The following POLR2L variants were observed in gnomAD, a reference collection of about 807,000 sequenced individuals.
POLR2L encodes the protein RNA polymerase II, I and III subunit L, also known as DNA-directed RNA polymerases I, II, and III subunit RPABC5.
A neutral mutation model predicts 6.8 loss-of-function variants in POLR2L; 7 were observed. That is an observed-to-expected ratio of 1.03 (90% CI 0.59 to 1.94). The LOEUF (loss-of-function observed/expected upper bound fraction) is 1.94, where lower values mean the gene tolerates loss of function less well. POLR2L is among the 30% of genes most tolerant of loss of function. The pLI is 0.00. For missense variants in POLR2L, 93 were observed against 86.7 expected, an observed-to-expected ratio of 1.07 and a Z score of -0.29; for synonymous variants, 59 against 39.8, an observed-to-expected ratio of 1.48 and a Z score of -1.82.
chr11:840,691 G>A (rs1846942347), intron 1 of POLR2L, among the ~76,000 whole-genome samples: 1 of 152,240 alleles, frequency 6.6e-6, no homozygotes, highest in Non-Finnish European at 1.5e-5. Flanking sequence ...GGTGGAGCGT[G>A]AGGAGCCTCC....
chr11:840,704 T>G (rs1846942759), intron 1 of POLR2L, among the ~76,000 whole-genome samples: 1 of 152,192 alleles, frequency 6.6e-6, no homozygotes, highest in African/African-American at 2.4e-5. Context: ...GAGCCTCCTC[T>G]CCCACCTACT....
rs199950610 is a variant in POLR2L at position 839,763 on chromosome 11, G to GC, written c.*608dup. 1.2e-5 allele frequency: 1 copy of GC among 84,944 alleles called. No homozygotes were observed. Among genetic ancestry groups the GC allele is most frequent in the East Asian group, 8.3e-4 (1 of 1,206 alleles). 5.3% of individuals were successfully genotyped at this position (84,944 alleles called of 1,614,324 possible). ...AGGTTCCAGTGATCCTCCTGCCTCA[G>GC]CCCCGAGTGGCCGGGACTACAGGTG... On this transcript the variant is annotated 3_prime_UTR_variant, in exon 2 of 2. Transcript: ENST00000322028.
chr11:840,556 C>T (rs1846937101), intron 1 of POLR2L, 76 bp from the exon 2 acceptor site: 3 of 993,494 alleles, frequency 3.0e-6, no homozygotes, highest in Admixed American at 1.9e-5. Flanking sequence ...ATCCAACCTG[C>T]CTCTCACTGC....
intron 1 of POLR2L, among the ~76,000 whole-genome samples, 160 bp downstream of exon 1, chr11:842,254 A>G (rs965700583): frequency 2.0e-5 from 3 of 152,192 alleles, no homozygotes; most frequent in Non-Finnish European, 4.4e-5. Flanking sequence ...CAGATCACAG[A>G]GCGGGGCTGG....
At position 840,372 on chromosome 11, in the gene POLR2L, T is replaced by C; in HGVS notation, c.204A>G (p.Ter68TrpextTer15). ...AGCGGGTGGGTGGGTTCCAGCGTGG[T>C]CACTTCTCCAGGGGTGCATAATTGA... is the stretch of plus-strand genomic sequence containing the variant. ...KLLNYAPLEK* is the reference protein window; with the variant it reads ...KLLNYAPLEKW Residue 68 changes from the stop codon to tryptophan (W), a stop_lost, in exon 2 of 2, where the codon TGA becomes TGG. Transcript: ENST00000322028. 1 of 1,590,686 alleles carries C rather than the reference T, an allele frequency of 6.3e-7. No individual in the cohort carries two copies. Among genetic ancestry groups the C allele is most frequent in the Non-Finnish European group, 8.6e-7 (1 of 1,162,346 alleles).
rs755135801 is a variant in POLR2L, at chr11:842,458, C to T, written c.51G>A (p.Lys17=). Reference sequence around the variant, plus strand: ...GCAGCAGCCCCAGGTAAGCCTCCCACTTGTTGCCGACGATCTTGCCACAAG... The same window carrying T: ...GCAGCAGCCCCAGGTAAGCCTCCCATTTGTTGCCGACGATCTTGCCACAAG... ...CFTCGKIVGN[K]WEAYLGLLQA... Residue 17 remains lysine (K), a synonymous_variant, in exon 1 of 2, where the codon AAG becomes AAA. Transcript: ENST00000322028. 6 of 1,597,182 alleles carry T rather than the reference C, an allele frequency of 3.8e-6. No individual in the cohort carries two copies. Among genetic ancestry groups the T allele is most frequent in the South Asian group, 3.4e-5 (3 of 89,164 alleles).
chr11:841,456 C>G (rs998395060), intron 1 of POLR2L, among the ~76,000 whole-genome samples: 1 of 152,122 alleles, frequency 6.6e-6, no homozygotes, highest in Non-Finnish European at 1.5e-5. Flanking sequence ...GTGCGTGAGA[C>G]GGAGTTTCAC....
chr11:842,456 C>T lies in POLR2L; in HGVS notation c.53G>A (p.Trp18Ter), dbSNP rs975703093. The change falls in exon 1 of 2, where the codon TGG (tryptophan) becomes TAG (stop). Residue 18 changes from tryptophan to a stop codon, truncating the protein, a stop_gained. Transcript: ENST00000322028. LOFTEE classifies it high-confidence loss of function. ...CTGCAGCAGCCCCAGGTAAGCCTCC[C>T]ACTTGTTGCCGACGATCTTGCCACA... ...FTCGKIVGNK[W>*]EAYLGLLQAE... is the part of the protein sequence containing the mutation. 1.3e-6 allele frequency: 2 copies of T among 1,597,356 alleles called. No homozygotes were observed. The highest frequency in any genetic ancestry group is 3.4e-5 in the Admixed American group (2 of 58,414).
rs777414374 is a variant in POLR2L, at chr11:842,519, C to A, written c.-11G>T. 1.3e-6 allele frequency: 2 copies of A among 1,568,222 alleles called. No homozygotes were observed. Among genetic ancestry groups the A allele is most frequent in the Non-Finnish European group, 1.7e-6 (2 of 1,159,280 alleles). ...TACAGGGATGATCATGGCGGCGGCG[C>A]GTCCCAGACTGCCCGGCCCGGCCCG... On this transcript the variant is annotated 5_prime_UTR_variant, in exon 1 of 2. Coordinates refer to ENST00000322028, the MANE Select transcript of POLR2L (RefSeq NM_021128.5).
intron 1 of POLR2L, among the ~76,000 whole-genome samples, chr11:841,021 T>A (rs180870350): frequency 6.6e-6 from 1 of 152,188 alleles, no homozygotes; most frequent in Non-Finnish European, 1.5e-5. Context: ...GAAGCTTTCA[T>A]TTCCCTGGGA....
chr11:842,523 CCAGA>C lies in POLR2L; in HGVS notation c.-19_-16del. The C allele has an allele frequency of 1.3e-6, 2 of 1,564,570 alleles. No individual in the cohort carries two copies. Among genetic ancestry groups the C allele is most frequent in the Non-Finnish European group, 1.7e-6 (2 of 1,157,186 alleles). On this transcript the variant is annotated 5_prime_UTR_variant, in exon 1 of 2. Transcript: ENST00000322028. The stretch of plus-strand genomic sequence containing the variant: ...GGGATGATCATGGCGGCGGCGCGTC[CCAGA>C]CTGCCCGGCCCGGCCCGGCCGCACG...
intron 1 of POLR2L, among the ~76,000 whole-genome samples, chr11:841,865 C>T (rs1846977806): frequency 6.6e-6 from 1 of 152,186 alleles, no homozygotes; most frequent in South Asian, 2.1e-4. Context: ...CGCCACTGCA[C>T]TCCAACCTGG....
At chr11:841,469 T>C (rs1229772257) in intron 1 of POLR2L, among the ~76,000 whole-genome samples, 4 of 152,128 alleles carry the variant, frequency 2.6e-5, no homozygotes, top group African/African-American at 9.7e-5. Flanking sequence ...AGTTTCACTC[T>C]CTCTTCCAGG....
At chr11:842,111 G>A (rs990510683) in intron 1 of POLR2L, among the ~76,000 whole-genome samples, 1 of 152,198 alleles carries the variant, frequency 6.6e-6, no homozygotes, top group Non-Finnish European at 1.5e-5. Context: ...ATAGGGCGGA[G>A]GCCAAGGGCT....
rs1262043010 is a variant in POLR2L, at chr11:840,481, C to G, written c.96-1G>C. On this transcript the variant is annotated splice_acceptor_variant, in intron 1 of 1. Coordinates refer to ENST00000322028, the MANE Select transcript of POLR2L (RefSeq NM_021128.5). LOFTEE classifies it high-confidence loss of function. The stretch of plus-strand genomic sequence containing the variant: ...CAGGCCCAGGGCATCCAGCGCATCC[C>G]TGTGTCGAGGGGAGGAGCAGAGGCC... 3.1e-6 allele frequency: 5 copies of G among 1,602,260 alleles called. No homozygotes were observed. The South Asian group carries it at 4.4e-5, about 14-fold the overall frequency.
chr11:842,390 C>T (rs771979527), intron 1 of POLR2L, 24 bp downstream of exon 1: 6 of 1,553,602 alleles, frequency 3.9e-6, no homozygotes, highest in East Asian at 2.5e-5. Context: ...CGGACTCAGC[C>T]CCTAGCCCCG....
chr11:840,517 T>C (rs1340441559), intron 1 of POLR2L, 37 bp from the exon 2 acceptor site: 1 of 1,440,140 alleles, frequency 6.9e-7, no homozygotes, highest in Non-Finnish European at 9.7e-7. Flanking sequence ...AACTGAGTTC[T>C]CTACGGTCTG....
chr11:840,489 A>C lies in POLR2L; in HGVS notation c.96-9T>G. The C allele has an allele frequency of 6.3e-7, 1 of 1,591,570 alleles. No individual in the cohort carries two copies. The highest frequency in any genetic ancestry group is 8.6e-7 in the Non-Finnish European group (1 of 1,163,518). ...GGGCATCCAGCGCATCCCTGTGTCGAGGGGAGGAGCAGAGGCCAACTGAGT... is the reference window on the plus strand; with the variant it reads ...GGGCATCCAGCGCATCCCTGTGTCGCGGGGAGGAGCAGAGGCCAACTGAGT... On this transcript the variant is annotated splice_polypyrimidine_tract_variant and intron_variant, in intron 1 of 1. Coordinates refer to ENST00000322028, the MANE Select transcript of POLR2L (RefSeq NM_021128.5).
At chr11:840,517 T>G in intron 1 of POLR2L, 37 bp from the exon 2 acceptor site, 1 of 1,440,258 alleles carries the variant, frequency 6.9e-7, no homozygotes, top group Non-Finnish European at 9.7e-7. Context: ...AACTGAGTTC[T>G]CTACGGTCTG....
Sources: allele counts gnomAD v4.1 joint callset (sites outside exome capture counted in the v4.1 genomes callset), GRCh38; gene constraint gnomAD v4.1.1; transcripts MANE v1.5; gene names NCBI Gene and HGNC (gene_info 2026-07-23, HGNC 2026-07-21).